The following MED24 variants were observed in gnomAD, a reference collection of about 807,000 sequenced individuals.
The protein encoded by MED24 is mediator of RNA polymerase II transcription subunit 24.
In MED24, 74 loss-of-function variants were observed where a neutral mutation model predicts 118.8. The observed-to-expected ratio is 0.62, with a 90% CI of 0.52 to 0.76. The LOEUF (loss-of-function observed/expected upper bound fraction) is 0.76, where lower values mean the gene tolerates loss of function less well. Among genes scored for constraint, MED24 ranks in the 30% least tolerant of loss-of-function variants. MED24 has a pLI of 0.00. For missense variants in MED24, 1,041 were observed against 1,278.9 expected (o/e 0.81, Z 2.84); for synonymous variants, 521 against 523.9 (o/e 0.99, Z 0.08).
rs140671155 is a variant in MED24 at position 40,023,332 on chromosome 17, C to T, written c.2049G>A (p.Thr683=). The T allele has an allele frequency of 1.4e-4, 230 of 1,613,608 alleles. No homozygotes were observed. The highest frequency in any genetic ancestry group is 1.7e-4 in the Non-Finnish European group (202 of 1,179,724). Residue 683 remains threonine, a synonymous_variant, in exon 20 of 26, where the codon ACG becomes ACA. Coordinates refer to ENST00000394128, the MANE Select transcript of MED24 (RefSeq NM_014815.4). ...CCCCGGTGGAGGGAAACTTGATCTGCGTGGCTGTCTGCTGCAGCACGTCGG... is the reference window on the plus strand; with the variant it reads ...CCCCGGTGGAGGGAAACTTGATCTGTGTGGCTGTCTGCTGCAGCACGTCGG... ...MCADVLQQTA[T]QIKFPSTGVD...
At chr17:40,048,023 C>T (rs1985434044) in intron 3 of MED24, among the ~76,000 whole-genome samples, 1 of 152,258 alleles carries the variant, frequency 6.6e-6, no homozygotes, top group South Asian at 2.1e-4. Flanking sequence ...AGCCACTGCG[C>T]CCAGCGCAAG....
intron 25 of MED24, 41 bp downstream of exon 25, chr17:40,019,744 G>A (rs777075209): frequency 1.2e-6 from 2 of 1,605,794 alleles, no homozygotes; most frequent in South Asian, 2.2e-5. Context: ...GCTGCCCCGA[G>A]GCCCCAGCAC....
Position 40,023,254 on chromosome 17 carries a change from C to A in MED24, c.2127G>T (p.Glu709Asp). The A allele has an allele frequency of 6.2e-7, 1 of 1,614,198 alleles. No individual in the cohort carries two copies. Among genetic ancestry groups the A allele is most frequent in the Non-Finnish European group, 8.5e-7 (1 of 1,180,022 alleles). The part of the protein sequence containing the change: ...NLLPPKRPIK[E>D]VLTDIFAKVL... ...CCTTGGCAAAAATGTCCGTCAGCAC[C>A]TCTTTGATGGGCCGCTTGGGGGGCA... is the stretch of plus-strand genomic sequence containing the variant. The change falls in exon 20 of 26, where the codon GAG becomes GAT. Residue 709 changes from glutamate to aspartate, a missense_variant. Transcript: ENST00000394128.
At chr17:40,022,543 TCTGACTGGGCTC>T (rs1982158800) in intron 21 of MED24, 59 bp from the exon 22 acceptor site, 7 of 1,595,240 alleles carry the variant, frequency 4.4e-6, no homozygotes, top group South Asian at 2.2e-5. Flanking sequence ...GCTTTCTGTG[TCTGACTGGGCTC>T]CCCAAAGCCC....
chr17:40,044,015 G>C (rs922698415), intron 3 of MED24, among the ~76,000 whole-genome samples: 1 of 150,090 alleles, frequency 6.7e-6, no homozygotes, highest in African/African-American at 2.5e-5. Flanking sequence ...CATAGTCCCA[G>C]CTACTTGGAG....
intron 1 of MED24, chr17:40,054,074 G>T: frequency 4.3e-6 from 1 of 230,978 alleles, no homozygotes; most frequent in Non-Finnish European, 8.7e-6. Context: ...AGGTTGTTGG[G>T]GTGAGCCGAG....
At chr17:40,022,232 G>A (rs1313730454) in intron 22 of MED24, among the ~76,000 whole-genome samples, 162 bp downstream of exon 22, 1 of 152,188 alleles carries the variant, frequency 6.6e-6, no homozygotes, top group Non-Finnish European at 1.5e-5. Flanking sequence ...GCAAGCTGGG[G>A]CCACACAAAT....
intron 18 of MED24, 74 bp downstream of exon 18, chr17:40,026,573 A>G (rs1293294358): frequency 7.1e-7 from 1 of 1,403,882 alleles, no homozygotes; most frequent in Non-Finnish European, 9.9e-7. Context: ...TCTTGCCCTT[A>G]CGAAATATAA....
chr17:40,023,418 T>C, intron 19 of MED24, 23 bp from the exon 20 acceptor site: 4 of 1,560,382 alleles, frequency 2.6e-6, no homozygotes, highest in South Asian at 1.2e-5. Context: ...CGAGAGAACC[T>C]GAGGCTCAGG....
At position 40,031,599 on chromosome 17, in the gene MED24, A is replaced by C. The variant is rs1983384347; in HGVS notation, c.1006T>G (p.Cys336Gly). 2 of 1,614,036 alleles carry C rather than the reference A, an allele frequency of 1.2e-6. No homozygotes were observed. Among genetic ancestry groups the C allele is most frequent in the African/African-American group, 1.3e-5 (1 of 74,940 alleles). Residue 336 changes from cysteine (C) to glycine (G), a missense_variant, in exon 11 of 26, where the codon TGT (cysteine) becomes GGT (glycine). Around this residue, in one of 3 missense-constraint regions of MED24, gnomAD observed 434 missense variants for 514.9 expected, o/e 0.84. Transcript: ENST00000394128. ...GDKDFTEDVN[C>G]AFEFLLKLTP... ...AGCTTCAGCAGGAACTCAAAAGCAC[A>C]GTTGACATCCTCAGTGAAGTCCTAG...
chr17:40,028,800 G>A, intron 14 of MED24, 26 bp downstream of exon 14: 1 of 1,612,438 alleles, frequency 6.2e-7, no homozygotes, highest in African/African-American at 1.3e-5. Flanking sequence ...TGCACGCCCT[G>A]GGGTCAGGGG....
chr17:40,024,583 A>G (rs1230369999), intron 19 of MED24, among the ~76,000 whole-genome samples: 5 of 152,160 alleles, frequency 3.3e-5, no homozygotes, highest in Non-Finnish European at 7.4e-5. Flanking sequence ...ACGTTGCCAT[A>G]AAGACATGGC....
Position 40,026,348 on chromosome 17 carries a change from G to A in MED24, c.1810-17C>T. ...AGTGATTTTCTAGGGGAGACGGAAA[G>A]GTGATGGGCTACCATCTATCTCCCT... is the stretch of plus-strand genomic sequence containing the variant. On this transcript the variant is annotated splice_polypyrimidine_tract_variant and intron_variant, in intron 18 of 25. Coordinates refer to ENST00000394128, the MANE Select transcript of MED24 (RefSeq NM_014815.4). The A allele has an allele frequency of 6.2e-7, 1 of 1,608,868 alleles. No homozygotes were observed. The highest frequency in any genetic ancestry group is 1.1e-5 in the South Asian group (1 of 90,926).
At chr17:40,023,055 C>A in intron 20 of MED24, 76 bp downstream of exon 20, 1 of 1,539,840 alleles carries the variant, frequency 6.5e-7, no homozygotes, top group Non-Finnish European at 8.8e-7. Context: ...CTCAGGGAAG[C>A]CTGGCAGACC....
chr17:40,027,157 G>T, intron 16 of MED24, 123 bp from the exon 17 acceptor site: 1 of 1,301,802 alleles, frequency 7.7e-7, no homozygotes, highest in Non-Finnish European at 1.1e-6. Flanking sequence ...GACTGGGGAC[G>T]AACTGGTCTA....
At chr17:40,029,119 T>C in intron 13 of MED24, 151 bp from the exon 14 acceptor site, 1 of 1,026,406 alleles carries the variant, frequency 9.7e-7, no homozygotes, top group East Asian at 2.6e-5. Context: ...AACCCACCCC[T>C]GCTCTCCGAT....
intron 23 of MED24, among the ~76,000 whole-genome samples, chr17:40,021,650 C>T (rs919684098): frequency 1.3e-5 from 2 of 151,826 alleles, no homozygotes; most frequent in African/African-American, 4.8e-5. Flanking sequence ...TGAACTCACT[C>T]ACTTGGGTAG....
chr17:40,033,229 G>T lies in MED24; in HGVS notation c.672-23C>A. 1 of 1,613,304 alleles carries T rather than the reference G, an allele frequency of 6.2e-7. No individual in the cohort carries two copies. The highest frequency in any genetic ancestry group is 8.5e-7 in the Non-Finnish European group (1 of 1,179,984). ...ATGCTGAGGGGTCACAAACACAGGG[G>T]ACGGTGTTTGGGGGGCCAAAGGTGA... On this transcript the variant is annotated intron_variant, in intron 7 of 25. Coordinates refer to ENST00000394128, the MANE Select transcript of MED24 (RefSeq NM_014815.4). This position sits in a 1 kb window ranked among gnomAD's most constrained non-coding sequence, Gnocchi z 5.2.
chr17:40,053,426 T>C, intron 2 of MED24, 43 bp downstream of exon 2: 3 of 1,613,542 alleles, frequency 1.9e-6, no homozygotes, highest in Non-Finnish European at 2.5e-6. Context: ...ACAACTTCTC[T>C]GGGTTTATCC....
Sources: allele counts gnomAD v4.1 joint callset (sites outside exome capture counted in the v4.1 genomes callset), GRCh38; gene constraint gnomAD v4.1.1; regional missense constraint gnomAD v4.1.1; non-coding constraint Gnocchi (gnomAD v3.1); transcripts MANE v1.5; gene names NCBI Gene and HGNC (gene_info 2026-07-23, HGNC 2026-07-21).